Variants in LAMA1 observed in about 807,000 individuals in gnomAD.
LAMA1 encodes the protein laminin subunit alpha-1.
A neutral mutation model predicts 348.7 loss-of-function variants in LAMA1; 219 were observed. The ratio of observed to expected loss-of-function variants is 0.63; its 90% confidence interval spans 0.56 to 0.70. The LOEUF (loss-of-function observed/expected upper bound fraction) is 0.70, where lower values mean the gene tolerates loss of function less well. Ranked by LOEUF, LAMA1 falls within the 30% of genes least tolerant of loss-of-function variation. The pLI, the probability that LAMA1 is intolerant of heterozygous loss-of-function variation, is 0.00. For synonymous variants in LAMA1, 1,487 were observed against 1,491.0 expected, an observed-to-expected ratio of 1.00 and a Z score of 0.06; for missense variants, 3,744 against 3,888.0, an observed-to-expected ratio of 0.96 and a Z score of 0.99.
At chr18:6,999,013 A>T (rs989866367) in intron 32 of LAMA1, among the ~76,000 whole-genome samples, 2 of 152,004 alleles carry the variant, frequency 1.3e-5, no homozygotes, top group Non-Finnish European at 2.9e-5. Context: ...AGCCTGGGGG[A>T]CAGAGCAAGA....
intron 3 of LAMA1, among the ~76,000 whole-genome samples, chr18:7,072,293 T>A (rs751460022): frequency 6.6e-6 from 1 of 152,226 alleles, no homozygotes; most frequent in African/African-American, 2.4e-5. Flanking sequence ...ATTAGAAATA[T>A]GACAGAGGGA....
intron 1 of LAMA1, among the ~76,000 whole-genome samples, chr18:7,114,477 T>C (rs1020357342): frequency 1.1e-4 from 17 of 152,240 alleles, no homozygotes; most frequent in Admixed American, 1.0e-3. Context: ...TAAAAATATA[T>C]AGTTCTTTAT....
At chr18:7,059,048 C>A (rs2058093076) in intron 3 of LAMA1, among the ~76,000 whole-genome samples, 1 of 152,160 alleles carries the variant, frequency 6.6e-6, no homozygotes, top group Admixed American at 6.5e-5. Context: ...TGCCACCATG[C>A]CCAACTAATT....
intron 1 of LAMA1, among the ~76,000 whole-genome samples, chr18:7,107,205 G>A (rs979028433): frequency 3.4e-5 from 5 of 146,428 alleles, no homozygotes; most frequent in African/African-American, 1.0e-4. Flanking sequence ...TGCAAGCTCC[G>A]CCTGCCGGGT....
Position 7,095,122 on chromosome 18 carries a change from TTCTCTCTCTCTCTCTC to T in LAMA1, c.62-14681_62-14666del, listed in dbSNP as rs71165720. On this transcript the variant is annotated intron_variant, in intron 1 of 62. Coordinates refer to ENST00000389658, the MANE Select transcript of LAMA1 (RefSeq NM_005559.4). ...CTGTTCCCTGGTTGCCTCAGGACCT[TTCTCTCTCTCTCTCTC>T]TCTCTCTCTCTCTCTCTCTCCTCTG... 1.3e-4 allele frequency among the ~76,000 whole-genome samples: 16 copies of T among 126,554 alleles called. No homozygotes were observed. In the East Asian group the frequency reaches 2.0e-3, roughly 16 times the overall value. The allele number at this position is 126,554 out of a possible 152,430, so 83.0% of individuals were successfully genotyped here. A position where few individuals can be genotyped will look rare whatever the true frequency, so the allele number is the denominator to read the frequency against.
intron 36 of LAMA1, among the ~76,000 whole-genome samples, chr18:6,990,431 C>T (rs1333043805): frequency 6.6e-6 from 1 of 152,096 alleles, no homozygotes; most frequent in Non-Finnish European, 1.5e-5. Context: ...TCCCCACCAA[C>T]TCAGATGTGT....
At chr18:7,106,292 A>G (rs2058311365) in intron 1 of LAMA1, among the ~76,000 whole-genome samples, 1 of 151,636 alleles carries the variant, frequency 6.6e-6, no homozygotes, top group African/African-American at 2.4e-5. Context: ...AACTGCATTC[A>G]CCTACAAAGT....
At chr18:6,998,253 G>T (rs1170300715) in intron 32 of LAMA1, among the ~76,000 whole-genome samples, 1 of 152,160 alleles carries the variant, frequency 6.6e-6, no homozygotes, top group Non-Finnish European at 1.5e-5. Flanking sequence ...AAAACAGCAG[G>T]GGGAAGAGGG....
chr18:6,990,442 G>T (rs749842938), intron 36 of LAMA1, among the ~76,000 whole-genome samples: 1 of 152,106 alleles, frequency 6.6e-6, no homozygotes, highest in Non-Finnish European at 1.5e-5. Flanking sequence ...TCAGATGTGT[G>T]GGGGGCTGAG....
At chr18:7,028,647 A>G (rs1327121916) in intron 16 of LAMA1, among the ~76,000 whole-genome samples, 1 of 152,282 alleles carries the variant, frequency 6.6e-6, no homozygotes, top group Non-Finnish European at 1.5e-5. Context: ...AGACGAAATC[A>G]TAGATTTATA....
chr18:7,067,352 AGCAATG>A (rs2058126583), intron 3 of LAMA1, among the ~76,000 whole-genome samples: 2 of 152,186 alleles, frequency 1.3e-5, no homozygotes, highest in African/African-American at 4.8e-5. Context: ...CACTCATACA[AGCAATG>A]GCATGTGAAT....
intron 35 of LAMA1, among the ~76,000 whole-genome samples, chr18:6,993,269 A>T (rs1320066810): frequency 1.3e-5 from 2 of 152,074 alleles, no homozygotes; most frequent in Non-Finnish European, 2.9e-5. Context: ...CCCAACTGAG[A>T]AGTGATTAAA....
chr18:7,051,757 C>G (rs2058063035), intron 3 of LAMA1, among the ~76,000 whole-genome samples: 1 of 152,112 alleles, frequency 6.6e-6, no homozygotes, highest in Non-Finnish European at 1.5e-5. Context: ...TGGCTAAAAT[C>G]CAAAACACTG....
chr18:6,948,679 T>G lies in LAMA1; in HGVS notation c.8557-123A>C, dbSNP rs114704714. ...CACATTAAAATGTAATCTTTTTGTT[T>G]TAAAACTTTAATTGCCACAATACTT... On this transcript the variant is annotated intron_variant, in intron 59 of 62. Coordinates refer to ENST00000389658, the MANE Select transcript of LAMA1 (RefSeq NM_005559.4). 1,396 of 1,102,096 alleles carry G rather than the reference T, an allele frequency of 1.3e-3. 10 individuals carry two copies. The African/African-American group carries it at 0.019, about 15-fold the overall frequency. The allele number at this position is 1,102,096 out of a possible 1,614,324, so 68.3% of individuals were successfully genotyped here. A position where few individuals can be genotyped will look rare whatever the true frequency, so the allele number is the denominator to read the frequency against.
intron 12 of LAMA1, 69 bp downstream of exon 12, chr18:7,037,509 C>A: frequency 1.3e-6 from 2 of 1,574,202 alleles, no homozygotes; most frequent in Non-Finnish European, 1.7e-6. Flanking sequence ...ATGCAGGCAG[C>A]GCAAGTTCTT....
intron 3 of LAMA1, among the ~76,000 whole-genome samples, chr18:7,077,273 C>T (rs2058172922): frequency 6.8e-6 from 1 of 147,562 alleles, no homozygotes; most frequent in South Asian, 2.1e-4. Flanking sequence ...GCAGTCTCGG[C>T]TCACTGCAAG....
At chr18:7,041,282 A>C (rs1338736875) in intron 9 of LAMA1, among the ~76,000 whole-genome samples, 4 of 152,238 alleles carry the variant, frequency 2.6e-5, no homozygotes, top group Non-Finnish European at 5.9e-5. Flanking sequence ...AAGTGGGTTA[A>C]GTAATTTCTA....
chr18:7,027,985 T>C (rs1195732325), intron 16 of LAMA1, among the ~76,000 whole-genome samples: 1 of 151,830 alleles, frequency 6.6e-6, no homozygotes, highest in Non-Finnish European at 1.5e-5. Context: ...CTCAAAGACT[T>C]GAAGGAAACA....
chr18:6,982,671 G>A lies in LAMA1; in HGVS notation c.5797-81C>T, dbSNP rs998693735. The A allele has an allele frequency of 1.1e-5, 13 of 1,139,138 alleles. No homozygotes were observed. The African/African-American group carries it at 1.2e-4, about 11-fold the overall frequency. 70.6% of individuals were successfully genotyped at this position (1,139,138 alleles called of 1,614,324 possible). A position where few individuals can be genotyped will look rare whatever the true frequency, so the allele number is the denominator to read the frequency against. On this transcript the variant is annotated intron_variant, in intron 40 of 62. Coordinates refer to ENST00000389658, the MANE Select transcript of LAMA1 (RefSeq NM_005559.4). ...GGGGACAGAGGAAGTGACTCCATCA[G>A]AGTAGCCCCCAGACACATTCCCAGC...
Sources: allele counts gnomAD v4.1 joint callset (sites outside exome capture counted in the v4.1 genomes callset), GRCh38; gene constraint gnomAD v4.1.1; transcripts MANE v1.5; gene names NCBI Gene and HGNC (gene_info 2026-07-23, HGNC 2026-07-21).